The following TMEM71 variants were observed in gnomAD, a reference collection of about 807,000 sequenced individuals.
TMEM71 encodes the protein transmembrane protein 71.
A neutral mutation model predicts 38.0 loss-of-function variants in TMEM71; 44 were observed. The ratio of observed to expected loss-of-function variants is 1.16; its 90% CI spans 0.91 to 1.49. The LOEUF (loss-of-function observed/expected upper bound fraction) is 1.49, where lower values mean the gene tolerates loss of function less well. Among genes scored for constraint, TMEM71 ranks in the 40% most tolerant of loss-of-function variants. The pLI, the probability that TMEM71 is intolerant of heterozygous loss-of-function variation, is 0.00. For synonymous variants in TMEM71, 133 were observed against 122.5 expected (o/e 1.09, Z -0.56); for missense variants, 367 against 348.6 (o/e 1.05, Z -0.42).
At chr8:132,740,777 G>A (rs544276157) in intron 5 of TMEM71, among the ~76,000 whole-genome samples, 4 of 152,312 alleles carry the variant, frequency 2.6e-5, no homozygotes, top group East Asian at 1.9e-4. Context: ...TCTTGCTCCC[G>A]AGGGCCTTTT....
intron 6 of TMEM71, among the ~76,000 whole-genome samples, chr8:132,724,579 T>G (rs1404679853): frequency 6.6e-6 from 1 of 152,184 alleles, no homozygotes; most frequent in East Asian, 1.9e-4. Context: ...GTTTTCAAGG[T>G]GCACTGATTT....
At chr8:132,746,422 T>TAC (rs1563753722) in intron 5 of TMEM71, among the ~76,000 whole-genome samples, 7 of 19,170 alleles carry the variant, frequency 3.7e-4, no homozygotes, top group Admixed American at 7.1e-4. Flanking sequence ...CACACACATA[T>TAC]ATATACATAT....
the TMEM71 span, among the ~76,000 whole-genome samples, chr8:132,766,881 C>A: frequency 6.6e-6 from 1 of 152,134 alleles, no homozygotes; most frequent in African/African-American, 2.4e-5. Flanking sequence ...GACTTCCAGT[C>A]CAGAATCCCA....
intron 5 of TMEM71, among the ~76,000 whole-genome samples, chr8:132,739,917 A>T (rs974231051): frequency 6.6e-6 from 1 of 152,126 alleles, no homozygotes; most frequent in Admixed American, 6.6e-5. Context: ...CTATCATCTC[A>T]GTTCAAGCTG....
At chr8:132,735,805 T>C (rs1827716203) in intron 5 of TMEM71, among the ~76,000 whole-genome samples, 1 of 152,214 alleles carries the variant, frequency 6.6e-6, no homozygotes, top group Non-Finnish European at 1.5e-5. Flanking sequence ...TTTTCCTGAT[T>C]TTTGCCAAAT....
intron 3 of TMEM71, among the ~76,000 whole-genome samples, chr8:132,754,954 G>A (rs1466477116): frequency 1.3e-5 from 2 of 152,176 alleles, no homozygotes; most frequent in East Asian, 1.9e-4. Context: ...GGAGGCTCCA[G>A]TAGGTTAAAT....
chr8:132,724,054 G>C (rs1229067989), intron 6 of TMEM71, among the ~76,000 whole-genome samples: 1 of 152,126 alleles, frequency 6.6e-6, no homozygotes, highest in Non-Finnish European at 1.5e-5. Flanking sequence ...CAGCAAGTAG[G>C]TCACAAAGAT....
At chr8:132,724,637 G>A (rs141693664) in intron 6 of TMEM71, among the ~76,000 whole-genome samples, 17 of 152,236 alleles carry the variant, frequency 1.1e-4, no homozygotes, top group Middle Eastern at 3.4e-3. Context: ...TACAGTTAAC[G>A]CAATCATCAC....
intron 6 of TMEM71, 51 bp downstream of exon 6, chr8:132,727,747 G>T (rs546397748): frequency 8.1e-6 from 12 of 1,484,318 alleles, no homozygotes; most frequent in Middle Eastern, 1.8e-4. Flanking sequence ...CTCAGGCTCT[G>T]AAAGGAAGAA....
At chr8:132,738,383 G>T (rs1025474441) in intron 5 of TMEM71, among the ~76,000 whole-genome samples, 12 of 151,992 alleles carry the variant, frequency 7.9e-5, no homozygotes, top group Admixed American at 5.9e-4. Context: ...ATTCTCCCAC[G>T]TTCTCACTAC....
chr8:132,734,185 T>TACACAC (rs367706220), intron 5 of TMEM71, among the ~76,000 whole-genome samples: 1 of 151,386 alleles, frequency 6.6e-6, no homozygotes, highest in Non-Finnish European at 1.5e-5. Flanking sequence ...CGCATACACA[T>TACACAC]ACACACACAC....
At chr8:132,764,538 T>A (rs1829340602), upstream of TMEM71, among the ~76,000 whole-genome samples, 1 of 152,242 alleles carries the variant, frequency 6.6e-6, no homozygotes, top group Non-Finnish European at 1.5e-5. Flanking sequence ...ACTTGACTAT[T>A]TTTCAGCCTC....
chr8:132,711,188 T>G (rs540647213), intron 9 of TMEM71, among the ~76,000 whole-genome samples: 1 of 152,172 alleles, frequency 6.6e-6, no homozygotes, highest in South Asian at 2.1e-4. Context: ...CAGTTCTTAG[T>G]GCTCTCCTTT....
At chr8:132,706,951 A>T (rs1161656632), downstream of TMEM71, among the ~76,000 whole-genome samples, 1 of 152,098 alleles carries the variant, frequency 6.6e-6, no homozygotes, top group African/African-American at 2.4e-5. Flanking sequence ...CACAAAATTC[A>T]AAACAAAAAA....
chr8:132,773,256 C>T, the TMEM71 span, among the ~76,000 whole-genome samples: 3 of 152,178 alleles, frequency 2.0e-5, no homozygotes, highest in African/African-American at 7.2e-5. Context: ...TACCATCCTC[C>T]ATTTCCAAAG....
At chr8:132,753,627 C>T (rs958056502) in intron 3 of TMEM71, among the ~76,000 whole-genome samples, 2 of 152,158 alleles carry the variant, frequency 1.3e-5, no homozygotes, top group Non-Finnish European at 2.9e-5. Flanking sequence ...CAAATATGGA[C>T]TGCAGCATAG....
intron 4 of TMEM71, 95 bp downstream of exon 4, chr8:132,751,690 T>A: frequency 8.3e-7 from 1 of 1,208,944 alleles, no homozygotes; most frequent in Non-Finnish European, 1.2e-6. Context: ...AATAATGGGC[T>A]CCTTATAAAA....
At chr8:132,741,575 G>T (rs534101629) in intron 5 of TMEM71, among the ~76,000 whole-genome samples, 199 of 137,274 alleles carry the variant, frequency 1.4e-3, no homozygotes, top group Non-Finnish European at 2.3e-3. Flanking sequence ...CACTGGACAG[G>T]GGGCCCTTCC....
chr8:132,711,992 A>C (rs1408457012), intron 9 of TMEM71, among the ~76,000 whole-genome samples: 3 of 152,142 alleles, frequency 2.0e-5, no homozygotes, highest in Non-Finnish European at 4.4e-5. Context: ...ATGTTTATAT[A>C]AGAAGGAGAG....
Sources: gnomAD v4.1 joint callset for allele counts (sites outside exome capture counted in the v4.1 genomes callset) on GRCh38, gnomAD v4.1.1 for gene constraint, MANE v1.5 for transcripts, NCBI Gene and HGNC (gene_info 2026-07-23, HGNC 2026-07-21) for gene names.